The following HDAC9 variants were observed in gnomAD, a reference collection of about 807,000 sequenced individuals.
HDAC9 encodes the protein MEF-2 interacting transcription repressor (MITR) protein.
In HDAC9, 41 loss-of-function variants were observed where a neutral mutation model predicts 139.4. That is an observed-to-expected ratio of 0.29 (90% CI 0.23 to 0.38). The LOEUF (loss-of-function observed/expected upper bound fraction) is 0.38. HDAC9 is among the 10% of genes least tolerant of loss of function. HDAC9 has a pLI of 1.00. For synonymous variants in HDAC9, 517 were observed against 476.2 expected (o/e 1.09, Z -1.12); for missense variants, 1,147 against 1,297.0 (o/e 0.88, Z 1.78).
At chr7:18,796,898 G>A (rs979006317) in intron 17 of HDAC9, among the ~76,000 whole-genome samples, 1 of 152,082 alleles carries the variant, frequency 6.6e-6, no homozygotes, top group African/African-American at 2.4e-5. Context: ...TCATAAAATA[G>A]TCAAAGTTGC....
intron 5 of HDAC9, 119 bp downstream of exon 5, chr7:18,591,761 TC>T: frequency 7.6e-7 from 1 of 1,313,886 alleles, no homozygotes; most frequent in Non-Finnish European, 1.0e-6. Context: ...GTGGGCAAGT[TC>T]CTTCAGTTCT....
chr7:18,406,611 A>G (rs1788035448), intron 1 of HDAC9, among the ~76,000 whole-genome samples: 1 of 152,012 alleles, frequency 6.6e-6, no homozygotes, highest in East Asian at 1.9e-4. Flanking sequence ...GGATGGTCTC[A>G]ATCTCCTGAC....
At chr7:18,669,250 G>C (rs1463793291) in intron 12 of HDAC9, among the ~76,000 whole-genome samples, 1 of 151,666 alleles carries the variant, frequency 6.6e-6, no homozygotes, top group Non-Finnish European at 1.5e-5. Context: ...AACATAACAA[G>C]CACTCAATAA....
At chr7:18,519,610 G>C (rs778023954) in intron 2 of HDAC9, among the ~76,000 whole-genome samples, 1 of 152,140 alleles carries the variant, frequency 6.6e-6, no homozygotes, top group Non-Finnish European at 1.5e-5. Flanking sequence ...GCTTAGTGTT[G>C]ATTGTGGTTT....
chr7:18,983,439 T>C (rs1585478743), intron 25 of HDAC9, among the ~76,000 whole-genome samples: 1 of 152,342 alleles, frequency 6.6e-6, no homozygotes, highest in South Asian at 2.1e-4. Flanking sequence ...TTTAAGTTCC[T>C]ATTTTCAGTT....
intron 17 of HDAC9, among the ~76,000 whole-genome samples, chr7:18,794,662 A>T (rs570055797): frequency 6.6e-6 from 1 of 152,250 alleles, no homozygotes; most frequent in Admixed American, 6.5e-5. Context: ...AGAGGAAAGG[A>T]ATCAGCCTGT....
intron 1 of HDAC9, among the ~76,000 whole-genome samples, chr7:18,303,997 G>T (rs762984308): frequency 9.9e-5 from 15 of 152,184 alleles, no homozygotes; most frequent in Non-Finnish European, 2.2e-4. Flanking sequence ...GTATTAATTG[G>T]TTTCTTTGTT....
chr7:18,682,226 C>T (rs1205184852), intron 12 of HDAC9, among the ~76,000 whole-genome samples: 1 of 151,930 alleles, frequency 6.6e-6, no homozygotes, highest in Non-Finnish European at 1.5e-5. Flanking sequence ...TGTTTAAGGG[C>T]AAGTAAACAA....
intron 2 of HDAC9, among the ~76,000 whole-genome samples, chr7:18,507,286 G>A (rs576255737): frequency 6.6e-6 from 1 of 151,112 alleles, no homozygotes; most frequent in East Asian, 1.9e-4. Context: ...CACCTCCCGG[G>A]TTCACACCAA....
intron 17 of HDAC9, among the ~76,000 whole-genome samples, chr7:18,824,160 C>T (rs965902369): frequency 2.0e-5 from 3 of 152,054 alleles, no homozygotes; most frequent in African/African-American, 7.2e-5. Context: ...AGATGAAAGG[C>T]ACTTGAGGGT....
chr7:18,101,091 ACATCTG>A (rs1782828419), intron 1 of HDAC9, among the ~76,000 whole-genome samples: 1 of 151,998 alleles, frequency 6.6e-6, no homozygotes, highest in Non-Finnish European at 1.5e-5. Flanking sequence ...TTGTTTTCTC[ACATCTG>A]TGTCCTGATC....
At chr7:18,354,034 G>A (rs1038333315) in intron 1 of HDAC9, among the ~76,000 whole-genome samples, 5 of 151,990 alleles carry the variant, frequency 3.3e-5, no homozygotes, top group Admixed American at 3.3e-4. Context: ...TAAACCATTT[G>A]GGACTTAGCA....
At chr7:18,363,282 T>C (rs1401319456) in intron 1 of HDAC9, among the ~76,000 whole-genome samples, 2 of 152,130 alleles carry the variant, frequency 1.3e-5, no homozygotes, top group African/African-American at 4.8e-5. Context: ...ATATCTTTTG[T>C]AACTTCCTGG....
intron 22 of HDAC9, among the ~76,000 whole-genome samples, chr7:18,884,614 A>G (rs1799984903): frequency 6.6e-6 from 1 of 152,330 alleles, no homozygotes; most frequent in Non-Finnish European, 1.5e-5. Flanking sequence ...CATAGAAAAG[A>G]TTTATGGCTA....
At chr7:18,288,238 AT>A (rs1160766091), upstream of HDAC9, among the ~76,000 whole-genome samples, 5 of 152,218 alleles carry the variant, frequency 3.3e-5, no homozygotes, top group African/African-American at 1.2e-4. Flanking sequence ...CTCCTTTAAC[AT>A]TTTTTATGAA....
At position 18,732,609 on chromosome 7, in the gene HDAC9, A is replaced by G. The variant is rs528028875; in HGVS notation, c.1909+4852A>G. Among the ~76,000 whole-genome samples, 15 of 139,586 alleles carry G rather than the reference A, an allele frequency of 1.1e-4. 2 individuals carry two copies. Among genetic ancestry groups the G allele is most frequent in the East Asian group, 4.4e-4 (2 of 4,562 alleles). 91.6% of individuals were successfully genotyped at this position (139,586 alleles called of 152,430 possible). A position where few individuals can be genotyped will look rare whatever the true frequency, so the allele number is the denominator to read the frequency against. On this transcript the variant is annotated intron_variant, in intron 13 of 25. Coordinates refer to ENST00000686413, the MANE Select transcript of HDAC9 (RefSeq NM_178425.4). ...TACACACACGTGTATATGTGTGCAT[A>G]TGTGTATATACACACACGTGTATAT... is the stretch of plus-strand genomic sequence containing the variant.
At chr7:18,865,617 G>A (rs1027139985) in intron 21 of HDAC9, among the ~76,000 whole-genome samples, 3 of 152,142 alleles carry the variant, frequency 2.0e-5, no homozygotes, top group African/African-American at 7.2e-5. Context: ...CCTGTGTTGT[G>A]TGAGGCACTG....
chr7:18,588,209 T>A (rs1022736202), intron 3 of HDAC9, among the ~76,000 whole-genome samples: 11 of 152,328 alleles, frequency 7.2e-5, no homozygotes, highest in Admixed American at 5.9e-4. Flanking sequence ...TATAATAGCT[T>A]TTTATTTTTG....
At chr7:18,106,346 T>G (rs977421173) in intron 1 of HDAC9, among the ~76,000 whole-genome samples, 14 of 152,208 alleles carry the variant, frequency 9.2e-5, no homozygotes, top group Admixed American at 3.9e-4. Flanking sequence ...GTACTTTGTC[T>G]TTCCATATCC....
Sources: gnomAD v4.1 joint callset for allele counts (sites outside exome capture counted in the v4.1 genomes callset) on GRCh38, gnomAD v4.1.1 for gene constraint, MANE v1.5 for transcripts, NCBI Gene and HGNC (gene_info 2026-07-23, HGNC 2026-07-21) for gene names.